Variants in CSMD3 observed in about 807,000 individuals in gnomAD.
The protein encoded by CSMD3 is CUB and Sushi multiple domains 3.
CSMD3 carries 177 observed loss-of-function variants against 435.2 expected under a neutral mutation model. That is an observed-to-expected ratio of 0.41 (90% CI 0.36 to 0.46). The LOEUF is 0.46. Among genes scored for constraint, CSMD3 ranks in the 20% least tolerant of loss-of-function variants. The probability of loss-of-function intolerance (pLI) is 0.34; values close to 1 mark genes in which losing one functional copy is unlikely to be tolerated. For missense variants in CSMD3, 4,265 were observed against 4,504.6 expected, an observed-to-expected ratio of 0.95 and a Z score of 1.52; for synonymous variants, 1,656 against 1,520.5, an observed-to-expected ratio of 1.09 and a Z score of -2.07.
intron 24 of CSMD3, among the ~76,000 whole-genome samples, chr8:112,569,490 C>A (rs922281507): frequency 3.3e-5 from 5 of 152,080 alleles, no homozygotes; most frequent in Non-Finnish European, 7.4e-5. Flanking sequence ...ATAAATGGAC[C>A]AATAAGATAA....
intron 12 of CSMD3, among the ~76,000 whole-genome samples, chr8:112,819,883 G>C (rs555945286): frequency 6.6e-6 from 1 of 152,220 alleles, no homozygotes; most frequent in Admixed American, 6.5e-5. Flanking sequence ...ATTTTCCTAA[G>C]AGTAGCAGAA....
chr8:112,397,289 T>C (rs910653007), intron 35 of CSMD3, among the ~76,000 whole-genome samples: 3 of 152,234 alleles, frequency 2.0e-5, no homozygotes, highest in Admixed American at 6.5e-5. Flanking sequence ...CTATTTCTTC[T>C]GTCACATAGA....
At chr8:112,638,451 T>C (rs752923412) in intron 21 of CSMD3, among the ~76,000 whole-genome samples, 6 of 151,288 alleles carry the variant, frequency 4.0e-5, no homozygotes, top group Non-Finnish European at 7.4e-5. Flanking sequence ...AATGTAATTA[T>C]TGTACTTCCG....
chr8:112,972,595 T>C (rs182828283), intron 7 of CSMD3, among the ~76,000 whole-genome samples: 1 of 152,058 alleles, frequency 6.6e-6, no homozygotes, highest in Non-Finnish European at 1.5e-5. Context: ...GTATTATAAC[T>C]GTGACAAAAT....
intron 1 of CSMD3, among the ~76,000 whole-genome samples, chr8:113,409,644 T>C (rs1172380105): frequency 3.3e-5 from 5 of 152,178 alleles, no homozygotes; most frequent in African/African-American, 4.8e-5. Flanking sequence ...TAATTCTCAA[T>C]GGGAATTATT....
intron 9 of CSMD3, among the ~76,000 whole-genome samples, chr8:112,925,823 T>A (rs2082893195): frequency 6.6e-6 from 1 of 152,246 alleles, no homozygotes; most frequent in South Asian, 2.1e-4. Flanking sequence ...ATGGATGTCC[T>A]CTGATTTAGA....
chr8:112,834,065 T>G (rs937602198), intron 11 of CSMD3, among the ~76,000 whole-genome samples: 2 of 151,984 alleles, frequency 1.3e-5, no homozygotes, highest in African/African-American at 2.4e-5. Context: ...CTAAAGACTT[T>G]GGACACCCAT....
chr8:112,964,663 C>T (rs903659477), intron 7 of CSMD3, among the ~76,000 whole-genome samples: 2 of 151,610 alleles, frequency 1.3e-5, no homozygotes, highest in Non-Finnish European at 2.9e-5. Flanking sequence ...TTTTTTTCCC[C>T]CTTAATATAA....
rs1272576892 is a variant in CSMD3, at chr8:112,859,858, G to T, written c.1634-592C>A. ...CCCATCTTTCTTCTACTTAATAAAT[G>T]AGCTAGTGACCATACTGTTTCTGTT... is the stretch of plus-strand genomic sequence containing the variant. On this transcript the variant is annotated intron_variant, in intron 10 of 70. Coordinates refer to ENST00000297405, the MANE Select transcript of CSMD3 (RefSeq NM_198123.2). 2.0e-5 allele frequency among the ~76,000 whole-genome samples: 3 copies of T among 151,628 alleles called. No individual in the cohort carries two copies. The East Asian group carries it at 5.8e-4, about 29-fold the overall frequency.
At chr8:112,241,977 T>C (rs775087035) in intron 65 of CSMD3, among the ~76,000 whole-genome samples, 192 bp from the exon 66 acceptor site, 5 of 152,072 alleles carry the variant, frequency 3.3e-5, no homozygotes, top group Non-Finnish European at 7.4e-5. Flanking sequence ...GCACTCGTTA[T>C]GCAACTAATG....
intron 19 of CSMD3, among the ~76,000 whole-genome samples, chr8:112,647,448 T>C (rs2075013008): frequency 6.6e-6 from 1 of 151,978 alleles, no homozygotes; most frequent in South Asian, 2.1e-4. Context: ...CTGGGACTAT[T>C]GGCGCTCGCC....
intron 13 of CSMD3, among the ~76,000 whole-genome samples, chr8:112,795,080 T>A (rs1474853030): frequency 6.6e-6 from 1 of 152,154 alleles, no homozygotes; most frequent in Non-Finnish European, 1.5e-5. Flanking sequence ...AACATGTAAC[T>A]TTTATGTTTG....
At chr8:112,249,379 C>G (rs1737629626) in intron 63 of CSMD3, among the ~76,000 whole-genome samples, 1 of 151,984 alleles carries the variant, frequency 6.6e-6, no homozygotes, top group African/African-American at 2.4e-5. Flanking sequence ...CTGAGTACCC[C>G]CCTCCAGAGT....
At chr8:113,170,245 A>G (rs2092243626) in intron 4 of CSMD3, among the ~76,000 whole-genome samples, 3 of 152,158 alleles carry the variant, frequency 2.0e-5, no homozygotes, top group Admixed American at 2.0e-4. Context: ...GAAATGAATG[A>G]CAACTACACA....
chr8:113,090,419 T>C (rs964223153), intron 5 of CSMD3, among the ~76,000 whole-genome samples: 1 of 152,172 alleles, frequency 6.6e-6, no homozygotes, highest in Non-Finnish European at 1.5e-5. Context: ...GAAACAAATA[T>C]ACCAGTATAA....
At chr8:113,410,801 G>C (rs2094554805) in intron 1 of CSMD3, among the ~76,000 whole-genome samples, 1 of 151,156 alleles carries the variant, frequency 6.6e-6, no homozygotes, top group Non-Finnish European at 1.5e-5. Context: ...GCTACTATGG[G>C]AGGCTTAGGT....
intron 14 of CSMD3, among the ~76,000 whole-genome samples, chr8:112,687,602 C>G (rs1357719467): frequency 2.0e-5 from 3 of 152,096 alleles, no homozygotes; most frequent in Non-Finnish European, 4.4e-5. Context: ...AGATATATCT[C>G]TCTTTATAAC....
intron 32 of CSMD3, among the ~76,000 whole-genome samples, chr8:112,461,098 G>GA (rs970531729): frequency 6.6e-6 from 1 of 151,958 alleles, no homozygotes; most frequent in Non-Finnish European, 1.5e-5. Context: ...CACCAAAACA[G>GA]AAAAAAACAC....
At chr8:112,799,038 A>G (rs1375660883) in intron 13 of CSMD3, among the ~76,000 whole-genome samples, 1 of 151,902 alleles carries the variant, frequency 6.6e-6, no homozygotes, top group East Asian at 1.9e-4. Context: ...ATGTAACATA[A>G]GCCAATTGTT....
Sources: allele counts gnomAD v4.1 joint callset (sites outside exome capture counted in the v4.1 genomes callset), GRCh38; gene constraint gnomAD v4.1.1; transcripts MANE v1.5; gene names NCBI Gene and HGNC (gene_info 2026-07-23, HGNC 2026-07-21).